Variants in TEX11 observed in about 807,000 individuals in gnomAD.
TEX11 encodes the protein testis expressed 11.
A neutral mutation model predicts 84.4 loss-of-function variants in TEX11; 7 were observed. That is an observed-to-expected ratio of 0.08 (90% CI 0.05 to 0.16). The LOEUF (loss-of-function observed/expected upper bound fraction) is 0.16. Among genes scored for constraint, TEX11 ranks in the 10% least tolerant of loss-of-function variants. TEX11 has a pLI of 1.00. For synonymous variants in TEX11, 264 were observed against 222.8 expected (o/e 1.18, Z -1.64); for missense variants, 551 against 660.5 (o/e 0.83, Z 1.82).
chrX:70,849,064 A>T (rs145849316), intron 7 of TEX11, among the ~76,000 whole-genome samples: 75 of 112,377 alleles, frequency 6.7e-4, no homozygotes, highest in African/African-American at 2.3e-3. Context: ...TACACAGAAA[A>T]GTATCCTTCA....
rs183093147 is a variant in TEX11 at position 70,801,803 on chromosome X, A to C, written c.692+4902T>G. On this transcript the variant is annotated intron_variant, in intron 9 of 29. Coordinates refer to ENST00000374333, the MANE Select transcript of TEX11 (RefSeq NM_031276.3). Reference sequence around the variant, plus strand: ...ATTAAATATTCTCACCACACACACAAAAAAAAGGCAACTCAGACAATTGGA... The same window carrying C: ...ATTAAATATTCTCACCACACACACACAAAAAAGGCAACTCAGACAATTGGA... Among the ~76,000 whole-genome samples the C allele has an allele frequency of 7.5e-3, 820 of 109,923 alleles. 7 individuals are homozygous for C. The highest frequency in any genetic ancestry group is 0.026 in the African/African-American group (778 of 30,220).
chrX:70,860,347 C>T (rs1569456808), intron 5 of TEX11, among the ~76,000 whole-genome samples: 1 of 111,794 alleles, frequency 8.9e-6, no homozygotes, highest in Non-Finnish European at 1.9e-5. Flanking sequence ...CACAAAAACT[C>T]TAATTTTAAC....
chrX:70,571,493 C>A (rs2088598143), intron 25 of TEX11, among the ~76,000 whole-genome samples: 1 of 112,061 alleles, frequency 8.9e-6, no homozygotes, highest in African/African-American at 3.2e-5. Context: ...AAAGCTATGT[C>A]TTTTCCTTTA....
chrX:70,615,055 G>A (rs1285783196), intron 20 of TEX11, among the ~76,000 whole-genome samples: 1 of 110,565 alleles, frequency 9.0e-6, no homozygotes, highest in Non-Finnish European at 1.9e-5. Flanking sequence ...TAAATATCAC[G>A]AAAGCCCTCC....
At chrX:70,709,876 G>A (rs1191660254) in intron 13 of TEX11, among the ~76,000 whole-genome samples, 1 of 111,019 alleles carries the variant, frequency 9.0e-6, no homozygotes, top group African/African-American at 3.3e-5. Context: ...CAAGGATTCT[G>A]ATCTTGACTT....
At chrX:70,515,065 TCACACACACACA>T in the TEX11 span, among the ~76,000 whole-genome samples, 4 of 87,619 alleles carry the variant, frequency 4.6e-5, no homozygotes, top group Admixed American at 3.5e-4. Context: ...TGAAACTCGG[TCACACACACACA>T]CACACACACA....
At chrX:70,573,763 T>C (rs142978483) in intron 25 of TEX11, among the ~76,000 whole-genome samples, 4 of 112,149 alleles carry the variant, frequency 3.6e-5, no homozygotes, top group African/African-American at 1.3e-4. Context: ...TTATCTACTG[T>C]ATTTGGATAA....
intron 26 of TEX11, among the ~76,000 whole-genome samples, chrX:70,554,300 C>T (rs1185916309): frequency 1.8e-5 from 2 of 111,982 alleles, no homozygotes; most frequent in Non-Finnish European, 1.9e-5. Flanking sequence ...CCCAGAAAAA[C>T]TTTCTAAAGT....
intron 9 of TEX11, among the ~76,000 whole-genome samples, chrX:70,790,008 T>C (rs1160750515): frequency 8.9e-6 from 1 of 112,332 alleles, no homozygotes; most frequent in Non-Finnish European, 1.9e-5. Flanking sequence ...GAAGATATTA[T>C]GCTAAGTGAA....
chrX:70,847,373 G>A (rs1440815983), intron 7 of TEX11, among the ~76,000 whole-genome samples: 3 of 110,837 alleles, frequency 2.7e-5, no homozygotes, highest in Non-Finnish European at 3.8e-5. Flanking sequence ...CTTCCTAAAC[G>A]TCAGGTCCAA....
intron 9 of TEX11, among the ~76,000 whole-genome samples, chrX:70,805,695 C>A (rs1482246129): frequency 1.8e-5 from 2 of 111,926 alleles, no homozygotes; most frequent in Non-Finnish European, 3.8e-5. Context: ...GCCACCATGC[C>A]CAGCCTCCTC....
intron 8 of TEX11, among the ~76,000 whole-genome samples, chrX:70,819,424 G>A (rs1270651651): frequency 1.8e-5 from 2 of 111,022 alleles, no homozygotes; most frequent in Non-Finnish European, 3.8e-5. Flanking sequence ...ATAGGTATAC[G>A]AGGAACATAA....
intron 13 of TEX11, among the ~76,000 whole-genome samples, chrX:70,712,416 C>T (rs1226725360): frequency 9.0e-6 from 1 of 111,470 alleles, no homozygotes; most frequent in Non-Finnish European, 1.9e-5. Context: ...TTCTTCCTAC[C>T]CATGAGCATG....
chrX:70,887,340 C>T (rs1209159334), intron 2 of TEX11, among the ~76,000 whole-genome samples: 1 of 111,829 alleles, frequency 8.9e-6, no homozygotes, highest in Non-Finnish European at 1.9e-5. Context: ...AGAGAAGAGC[C>T]CACTATCCTG....
At chrX:70,643,613 G>A (rs1455623116) in intron 17 of TEX11, among the ~76,000 whole-genome samples, 21 of 109,187 alleles carry the variant, frequency 1.9e-4, no homozygotes, top group East Asian at 8.6e-4. Context: ...CAGAAATAAC[G>A]CTGCATATCT....
intron 2 of TEX11, among the ~76,000 whole-genome samples, chrX:70,885,686 GT>G (rs1297430574): frequency 9.0e-6 from 1 of 110,581 alleles, no homozygotes; most frequent in Non-Finnish European, 1.9e-5. Flanking sequence ...GAGGTCAGGA[GT>G]TCGAGACCAG....
chrX:70,572,343 A>G (rs1013544266), intron 25 of TEX11, among the ~76,000 whole-genome samples: 1 of 111,774 alleles, frequency 8.9e-6, no homozygotes, highest in Non-Finnish European at 1.9e-5. Flanking sequence ...TTAAAATGTC[A>G]GGAAACAACA....
chrX:70,875,728 C>T (rs371221446), intron 3 of TEX11, among the ~76,000 whole-genome samples: 12 of 109,546 alleles, frequency 1.1e-4, no homozygotes, highest in African/African-American at 3.0e-4. Context: ...CCAGCCTGGG[C>T]GACAGAGCGA....
intron 9 of TEX11, among the ~76,000 whole-genome samples, chrX:70,745,994 A>G (rs1569427156): frequency 8.9e-6 from 1 of 112,010 alleles, no homozygotes; most frequent in East Asian, 2.8e-4. Flanking sequence ...AAAATTCATT[A>G]AAACAACCAC....
Sources: allele counts gnomAD v4.1 joint callset (sites outside exome capture counted in the v4.1 genomes callset), GRCh38; gene constraint gnomAD v4.1.1; transcripts MANE v1.5; gene names NCBI Gene and HGNC (gene_info 2026-07-23, HGNC 2026-07-21).